The following MMP16 variants were observed in gnomAD, a reference collection of about 807,000 sequenced individuals.
MMP16 encodes the protein matrix metallopeptidase 16, also known as matrix metalloproteinase-16.
MMP16 carries 12 observed loss-of-function variants against 67.8 expected under a neutral mutation model. The ratio of observed to expected loss-of-function variants is 0.18; its 90% CI spans 0.11 to 0.29. The LOEUF (loss-of-function observed/expected upper bound fraction) is 0.29. Among genes scored for constraint, MMP16 ranks in the 10% least tolerant of loss-of-function variants. The pLI is 1.00. For missense variants in MMP16, 475 were observed against 765.7 expected (o/e 0.62, Z 4.48); for synonymous variants, 249 against 255.9 (o/e 0.97, Z 0.26).
intron 1 of MMP16, among the ~76,000 whole-genome samples, chr8:88,264,031 C>CATATATATATATAT (rs1491101969): frequency 1.6e-3 from 65 of 40,326 alleles, no homozygotes; most frequent in African/African-American, 4.1e-3. Flanking sequence ...ACAAAAATGG[C>CATATATATATATAT]ACATATATAT....
intron 1 of MMP16, among the ~76,000 whole-genome samples, chr8:88,304,415 G>A (rs955188750): frequency 6.6e-6 from 1 of 152,122 alleles, no homozygotes; most frequent in Non-Finnish European, 1.5e-5. Flanking sequence ...TAGCAAGACA[G>A]GCCAACATTC....
intron 6 of MMP16, among the ~76,000 whole-genome samples, chr8:88,100,563 G>A (rs1000080170): frequency 6.6e-6 from 1 of 152,042 alleles, no homozygotes; most frequent in Non-Finnish European, 1.5e-5. Context: ...GTGGAAGACA[G>A]TGTGGTGATT....
intron 1 of MMP16, among the ~76,000 whole-genome samples, chr8:88,233,449 A>C (rs996371635): frequency 2.0e-5 from 3 of 152,144 alleles, no homozygotes; most frequent in Non-Finnish European, 4.4e-5. Context: ...TACCCATAGG[A>C]GATACCTTGG....
chr8:88,295,103 T>A (rs1388447508), intron 1 of MMP16, among the ~76,000 whole-genome samples: 1 of 152,218 alleles, frequency 6.6e-6, no homozygotes, highest in African/African-American at 2.4e-5. Flanking sequence ...AAGTATCCCC[T>A]TTATCCTACA....
At chr8:88,175,992 C>A (rs937487630) in intron 3 of MMP16, among the ~76,000 whole-genome samples, 14 of 152,268 alleles carry the variant, frequency 9.2e-5, no homozygotes, top group Admixed American at 5.2e-4. Context: ...AACTGTGAGT[C>A]CATTAAACTG....
At chr8:88,175,848 A>T (rs1054703464) in intron 3 of MMP16, among the ~76,000 whole-genome samples, 6 of 152,130 alleles carry the variant, frequency 3.9e-5, no homozygotes, top group Admixed American at 2.0e-4. Context: ...AATATGTCTC[A>T]CGAGATCAGA....
chr8:88,229,766 T>C (rs1264105979), intron 1 of MMP16, among the ~76,000 whole-genome samples: 2 of 152,052 alleles, frequency 1.3e-5, no homozygotes, highest in African/African-American at 2.4e-5. Flanking sequence ...TCAAGATTAG[T>C]TGATGTGAAT....
rs533790856 is a variant in MMP16, at chr8:88,038,172, G to C, written c.*3289C>G. On this transcript the variant is annotated 3_prime_UTR_variant, in exon 10 of 10. Transcript: ENST00000286614. This position sits in a 1 kb window ranked among gnomAD's most constrained non-coding sequence, Gnocchi z 4.1. Reference sequence around the variant, plus strand: ...AGGAACCATACCCACAAAGTAGCTGGTGTACAATAAACAAATGGAATCCCA... The same window carrying C: ...AGGAACCATACCCACAAAGTAGCTGCTGTACAATAAACAAATGGAATCCCA... 1 of 152,038 alleles carries C rather than the reference G, an allele frequency of 6.6e-6. No homozygotes were observed. Among genetic ancestry groups the C allele is most frequent in the African/African-American group, 2.4e-5 (1 of 41,512 alleles). 9.4% of individuals were successfully genotyped at this position (152,038 alleles called of 1,614,324 possible).
chr8:88,033,406 A>C lies in MMP16; in HGVS notation c.*8055T>G, dbSNP rs1808010952. The C allele has an allele frequency of 6.6e-6, 1 of 151,470 alleles. No homozygotes were observed. Among genetic ancestry groups the C allele is most frequent in the Non-Finnish European group, 1.5e-5 (1 of 67,834 alleles). 9.4% of individuals were successfully genotyped at this position (151,470 alleles called of 1,614,324 possible). Reference sequence around the variant, plus strand: ...ATCATACTGATCCACCGCTGGAATCAAGATAATGTTAATAAAGGTATACAC... The same window carrying C: ...ATCATACTGATCCACCGCTGGAATCCAGATAATGTTAATAAAGGTATACAC... On this transcript the variant is annotated 3_prime_UTR_variant, in exon 10 of 10. Coordinates refer to ENST00000286614, the MANE Select transcript of MMP16 (RefSeq NM_005941.5).
In MMP16 at chr8:88,141,093, G is replaced by A. The variant is rs554538670; in HGVS notation, c.710-22232C>T. ...ATTAAGTGAAAGGTACTCTCCATAC[G>A]CAAGTCGAAGGGAGACAGCCTCCTT... On this transcript the variant is annotated intron_variant, in intron 4 of 9. Transcript: ENST00000286614. Among the ~76,000 whole-genome samples, 7 of 152,222 alleles carry A rather than the reference G, an allele frequency of 4.6e-5. No individual in the cohort carries two copies. The East Asian group carries it at 7.7e-4, about 17-fold the overall frequency.
intron 3 of MMP16, among the ~76,000 whole-genome samples, chr8:88,176,672 G>C (rs1034367023): frequency 6.6e-6 from 1 of 152,164 alleles, no homozygotes; most frequent in African/African-American, 2.4e-5. Context: ...AGATGAGATA[G>C]TGAATCCTTT....
At chr8:88,225,613 G>A (rs912206406) in intron 1 of MMP16, among the ~76,000 whole-genome samples, 4 of 151,708 alleles carry the variant, frequency 2.6e-5, no homozygotes, top group African/African-American at 9.7e-5. Context: ...CACTTTGAAT[G>A]TTTTCATCTT....
At chr8:88,057,600 A>G (rs1563519448) in intron 7 of MMP16, among the ~76,000 whole-genome samples, 1 of 152,018 alleles carries the variant, frequency 6.6e-6, no homozygotes, top group Non-Finnish European at 1.5e-5. Context: ...ACTATGATAA[A>G]CCGTAGCTTT....
chr8:88,287,232 T>C (rs535158488), intron 1 of MMP16, among the ~76,000 whole-genome samples: 21 of 147,872 alleles, frequency 1.4e-4, no homozygotes, highest in Non-Finnish European at 2.6e-4. Flanking sequence ...AGTCTCTCTC[T>C]GAGCGCCAGC....
chr8:88,285,763 T>G (rs553747197), intron 1 of MMP16, among the ~76,000 whole-genome samples: 1 of 152,344 alleles, frequency 6.6e-6, no homozygotes, highest in South Asian at 2.1e-4. Context: ...CCATTTTAAA[T>G]TGTACAATTC....
At chr8:88,085,276 G>T (rs1808815015) in intron 6 of MMP16, among the ~76,000 whole-genome samples, 1 of 152,074 alleles carries the variant, frequency 6.6e-6, no homozygotes, top group South Asian at 2.1e-4. Context: ...CTTAATAGAT[G>T]TGTCTGGCAA....
chr8:88,237,681 C>CAA (rs77461112), intron 1 of MMP16, among the ~76,000 whole-genome samples: 104,422 of 151,144 alleles, frequency 0.69, 36,944 homozygotes, highest in East Asian at 0.95. Flanking sequence ...ACAACAACAA[C>CAA]AAAAAACAAC....
Position 88,033,431 on chromosome 8 carries a change from C to T in MMP16, c.*8030G>A, listed in dbSNP as rs1047714493. The T allele has an allele frequency of 1.3e-5, 2 of 151,398 alleles. No homozygotes were observed. Among genetic ancestry groups the T allele is most frequent in the African/African-American group, 2.4e-5 (1 of 41,260 alleles). The allele number at this position is 151,398 out of a possible 1,614,324, so 9.4% of individuals were successfully genotyped here. On this transcript the variant is annotated 3_prime_UTR_variant, in exon 10 of 10. Coordinates refer to ENST00000286614, the MANE Select transcript of MMP16 (RefSeq NM_005941.5). ...AAGATAATGTTAATAAAGGTATACA[C>T]GTTTTAAAATATCTTAAAGATAGGT... is the stretch of plus-strand genomic sequence containing the variant.
chr8:88,197,212 A>G lies in MMP16; in HGVS notation c.227T>C (p.Met76Thr). 1 of 1,612,458 alleles carries G rather than the reference A, an allele frequency of 6.2e-7. No individual in the cohort carries two copies. The highest frequency in any genetic ancestry group is 8.5e-7 in the Non-Finnish European group (1 of 1,179,486). ...AETMQSALAA[M>T]QQFYGINMTG... ...CATGTTAATGCCATAGAACTGCTGC[A>G]TGGCAGCTAGGGCAGACTGCATGGT... Residue 76 changes from methionine (M) to threonine (T), a missense_variant, in exon 2 of 10, where the codon ATG becomes ACG. Transcript: ENST00000286614.
Sources: allele counts gnomAD v4.1 joint callset (sites outside exome capture counted in the v4.1 genomes callset), GRCh38; gene constraint gnomAD v4.1.1; non-coding constraint Gnocchi (gnomAD v3.1); transcripts MANE v1.5; gene names NCBI Gene and HGNC (gene_info 2026-07-23, HGNC 2026-07-21).